The following HTR6 variants were observed in gnomAD, a reference collection of about 807,000 sequenced individuals.
HTR6 encodes 5-hydroxytryptamine (serotonin) receptor 6, G protein-coupled.
HTR6 carries 15 observed loss-of-function variants against 17.4 expected under a neutral mutation model. The ratio of observed to expected loss-of-function variants is 0.86; its 90% CI spans 0.58 to 1.33. HTR6 has a LOEUF of 1.33. Ranked by LOEUF, HTR6 falls within the 40% of genes most tolerant of loss-of-function variation. The pLI, the probability that HTR6 is intolerant of heterozygous loss-of-function variation, is 0.00. For synonymous variants in HTR6, 326 were observed against 295.5 expected (o/e 1.10, Z -1.06); for missense variants, 578 against 616.0 (o/e 0.94, Z 0.65).
intron 1 of HTR6, among the ~76,000 whole-genome samples, chr1:19,670,830 T>C (rs1032661922): frequency 3.3e-5 from 5 of 152,196 alleles, no homozygotes; most frequent in African/African-American, 4.8e-5. Context: ...GTGCTCAGTA[T>C]GTATTGATGG....
Position 19,678,916 on chromosome 1 carries a change from C to G in HTR6, c.874-3C>G, listed in dbSNP as rs200855338. On this transcript the variant is annotated splice_region_variant and splice_polypyrimidine_tract_variant and intron_variant, in intron 2 of 2. Transcript: ENST00000289753. ...CCAGGCATGATGCATCCCCTCCCCC[C>G]AGGCCGTGTGCGACTGCATCTCCCC... 3.6e-5 allele frequency: 58 copies of G among 1,591,290 alleles called. No homozygotes were observed. Among genetic ancestry groups the G allele is most frequent in the Admixed American group, 3.4e-5 (2 of 59,110 alleles).
Position 19,679,385 on chromosome 1 carries a change from G to A in HTR6, c.*17G>A. ...ACGAACTGACCCGGGCTTGGGGCTG[G>A]CCAATGGGGAGCTGGATTGAGCAGA... On this transcript the variant is annotated 3_prime_UTR_variant, in exon 3 of 3. Coordinates refer to ENST00000289753, the MANE Select transcript of HTR6 (RefSeq NM_000871.3). The surrounding 1 kb of genome is among the most constrained non-coding windows in gnomAD (Gnocchi z 4.9). 1 of 1,558,562 alleles carries A rather than the reference G, an allele frequency of 6.4e-7. No homozygotes were observed. Among genetic ancestry groups the A allele is most frequent in the Non-Finnish European group, 8.7e-7 (1 of 1,150,228 alleles).
chr1:19,676,913 G>A (rs560741804), intron 1 of HTR6, among the ~76,000 whole-genome samples: 10 of 152,342 alleles, frequency 6.6e-5, no homozygotes, highest in Admixed American at 1.3e-4. Flanking sequence ...TTCACAGACC[G>A]CAAACACACC....
intron 1 of HTR6, among the ~76,000 whole-genome samples, chr1:19,675,494 C>A (rs1451702639): frequency 2.6e-5 from 4 of 152,022 alleles, no homozygotes; most frequent in Non-Finnish European, 4.4e-5. Context: ...TGAGTCAACT[C>A]TCTGGAAAGC....
Position 19,678,709 on chromosome 1 carries a change from T to C in HTR6, c.857T>C (p.Val286Ala). ...MFFVTWLPFF[V>A]ANIVQAVCDC... The stretch of plus-strand genomic sequence containing the variant: ...TTTGTGACCTGGTTGCCCTTCTTTG[T>C]GGCCAACATAGTCCAGGTAATGCCA... Residue 286 changes from valine (V) to alanine (A), a missense_variant, in exon 2 of 3, where the codon GTG (valine) becomes GCG (alanine). Coordinates refer to ENST00000289753, the MANE Select transcript of HTR6 (RefSeq NM_000871.3). The C allele has an allele frequency of 6.2e-7, 1 of 1,611,978 alleles. No homozygotes were observed. The highest frequency in any genetic ancestry group is 1.3e-5 in the African/African-American group (1 of 74,990).
intron 1 of HTR6, among the ~76,000 whole-genome samples, chr1:19,674,232 T>C (rs2095091562): frequency 6.6e-6 from 1 of 152,148 alleles, no homozygotes; most frequent in Non-Finnish European, 1.5e-5. Flanking sequence ...TGGTGCTTTG[T>C]GTTGGATATT....
At chr1:19,667,801 C>T (rs1557427503) in intron 1 of HTR6, among the ~76,000 whole-genome samples, 2 of 152,218 alleles carry the variant, frequency 1.3e-5, no homozygotes, top group African/African-American at 4.8e-5. Flanking sequence ...CTCCTATTGA[C>T]CCCCTGGAGG....
chr1:19,669,162 G>A (rs116615534), intron 1 of HTR6, among the ~76,000 whole-genome samples: 1,802 of 152,310 alleles, frequency 0.012, 21 homozygotes, highest in South Asian at 0.031. Flanking sequence ...TGGTCTGGGT[G>A]AGGTTGGGGC....
chr1:19,672,500 C>A (rs1271108808), intron 1 of HTR6, among the ~76,000 whole-genome samples: 2 of 152,090 alleles, frequency 1.3e-5, no homozygotes, highest in Non-Finnish European at 2.9e-5. Context: ...CACTGCCGAG[C>A]ATGGCAGGCT....
At chr1:19,673,935 C>T (rs1020835885) in intron 1 of HTR6, among the ~76,000 whole-genome samples, 4 of 150,876 alleles carry the variant, frequency 2.7e-5, no homozygotes, top group East Asian at 3.9e-4. Context: ...GGTACAACCA[C>T]GGCTCACTGC....
intron 1 of HTR6, among the ~76,000 whole-genome samples, chr1:19,676,583 G>T (rs1222767399): frequency 6.6e-6 from 1 of 152,224 alleles, no homozygotes; most frequent in Admixed American, 6.5e-5. Flanking sequence ...TGTAGTTGGG[G>T]TTTCAGCACC....
intron 1 of HTR6, among the ~76,000 whole-genome samples, chr1:19,667,526 C>T (rs1275919746): frequency 6.6e-6 from 1 of 152,052 alleles, no homozygotes; most frequent in African/African-American, 2.4e-5. Flanking sequence ...AGCGATTCTT[C>T]TGCCTCAGCC....
In HTR6 at chr1:19,679,762, C is replaced by T. The variant is rs1168390061; in HGVS notation, c.*394C>T. ...CATGGATTAATGCTGGGCTGAACCC[C>T]TTGCTACTCACAGTGTAGTCCATGG... is the stretch of plus-strand genomic sequence containing the variant. On this transcript the variant is annotated 3_prime_UTR_variant, in exon 3 of 3. Transcript: ENST00000289753. The surrounding 1 kb of genome is among the most constrained non-coding windows in gnomAD (Gnocchi z 4.9). Among the ~76,000 whole-genome samples the T allele has an allele frequency of 6.6e-6, 1 of 152,224 alleles. No homozygotes were observed. Among genetic ancestry groups the T allele is most frequent in the African/African-American group, 2.4e-5 (1 of 41,458 alleles).
chr1:19,678,389 AGTCAGG>A (rs1355311636), intron 1 of HTR6, among the ~76,000 whole-genome samples, 172 bp from the exon 2 acceptor site: 1 of 151,144 alleles, frequency 6.6e-6, no homozygotes, highest in Non-Finnish European at 1.5e-5. Flanking sequence ...CTTGGCCTGG[AGTCAGG>A]GTCAGGGCTC....
chr1:19,665,558 T>C lies in HTR6; in HGVS notation c.-196T>C. The C allele has an allele frequency of 4.2e-6, 2 of 481,340 alleles. No homozygotes were observed. The highest frequency in any genetic ancestry group is 7.3e-6 in the Non-Finnish European group (2 of 275,194). 29.8% of individuals were successfully genotyped at this position (481,340 alleles called of 1,614,324 possible). On this transcript the variant is annotated 5_prime_UTR_variant, in exon 1 of 3. Coordinates refer to ENST00000289753, the MANE Select transcript of HTR6 (RefSeq NM_000871.3). The surrounding 1 kb of genome is among the most constrained non-coding windows in gnomAD (Gnocchi z 4.2). Reference sequence around the variant, plus strand: ...AGGGCGCCCAAATAGCCACACTGTGTCCTCCTGTAGTCGCTGCCCCCTGAC... The same window carrying C: ...AGGGCGCCCAAATAGCCACACTGTGCCCTCCTGTAGTCGCTGCCCCCTGAC...
At position 19,665,848 on chromosome 1, in the gene HTR6, C is replaced by T; in HGVS notation, c.95C>T (p.Ala32Val). 1 of 1,580,550 alleles carries T rather than the reference C, an allele frequency of 6.3e-7. No homozygotes were observed. Among genetic ancestry groups the T allele is most frequent in the South Asian group, 1.1e-5 (1 of 87,598 alleles). ...APGGSGWVAA[A>V]LCVVIALTAA... ...GGGGGCAGCGGCTGGGTGGCGGCCG[C>T]GCTGTGCGTGGTCATCGCGCTGACG... Residue 32 changes from alanine (A) to valine (V), a missense_variant, in exon 1 of 3, where the codon GCG becomes GTG. Ala to Val is a moderately conservative substitution (Grantham distance 64). Coordinates refer to ENST00000289753, the MANE Select transcript of HTR6 (RefSeq NM_000871.3). The surrounding 1 kb of genome is among the most constrained non-coding windows in gnomAD (Gnocchi z 4.2).
intron 1 of HTR6, among the ~76,000 whole-genome samples, chr1:19,671,149 G>A (rs1420374613): frequency 6.6e-6 from 1 of 152,142 alleles, no homozygotes; most frequent in African/African-American, 2.4e-5. Flanking sequence ...TAGGAGGGAT[G>A]CTTCACCCAG....
intron 1 of HTR6, among the ~76,000 whole-genome samples, chr1:19,677,924 G>A (rs981127827): frequency 6.6e-6 from 1 of 152,206 alleles, no homozygotes; most frequent in Non-Finnish European, 1.5e-5. Flanking sequence ...ATTTTTAGTA[G>A]AGGCAAGGTT....
Position 19,666,528 on chromosome 1 carries a change from G to A in HTR6, c.714+61G>A. On this transcript the variant is annotated intron_variant, in intron 1 of 2. Coordinates refer to ENST00000289753, the MANE Select transcript of HTR6 (RefSeq NM_000871.3). This position sits in a 1 kb window ranked among gnomAD's most constrained non-coding sequence, Gnocchi z 4.5. Reference sequence around the variant, plus strand: ...ATAGAGAGGAATGAGCAGCCCCTGGGGACCCCCTGGGCATCCCCACTTAGC... The same window carrying A: ...ATAGAGAGGAATGAGCAGCCCCTGGAGACCCCCTGGGCATCCCCACTTAGC... The A allele has an allele frequency of 7.9e-7, 1 of 1,261,248 alleles. No individual in the cohort carries two copies. Among genetic ancestry groups the A allele is most frequent in the Non-Finnish European group, 1.1e-6 (1 of 918,396 alleles). 78.1% of individuals were successfully genotyped at this position (1,261,248 alleles called of 1,614,324 possible).
Sources: allele counts gnomAD v4.1 joint callset (sites outside exome capture counted in the v4.1 genomes callset), GRCh38; gene constraint gnomAD v4.1.1; non-coding constraint Gnocchi (gnomAD v3.1); transcripts MANE v1.5; gene names NCBI Gene and HGNC (gene_info 2026-07-23, HGNC 2026-07-21).